GNG4: variants seen among roughly 807,000 people sequenced by gnomAD.
GNG4 encodes G protein subunit gamma 4, also known as guanine nucleotide-binding protein G(I)/G(S)/G(O) subunit gamma-4.
Under a neutral mutation model 5.8 loss-of-function variants are expected in GNG4, and 4 were observed. The observed-to-expected ratio is 0.69, with a 90% CI of 0.34 to 1.57. GNG4 has a LOEUF of 1.57. Ranked by LOEUF, GNG4 falls within the 40% of genes most tolerant of loss-of-function variation. GNG4 has a pLI of 0.06. For synonymous variants in GNG4, 29 were observed against 32.9 expected (o/e 0.88, Z 0.41); for missense variants, 96 against 95.1 (o/e 1.01, Z -0.04).
At chr1:235,617,288 A>G (rs1571915492) in intron 1 of GNG4, among the ~76,000 whole-genome samples, 1 of 152,160 alleles carries the variant, frequency 6.6e-6, no homozygotes, top group Non-Finnish European at 1.5e-5. Context: ...CTCAGAGAGA[A>G]TTCTAAGTGA....
chr1:235,567,182 C>G (rs903486093), intron 3 of GNG4, among the ~76,000 whole-genome samples: 1 of 152,108 alleles, frequency 6.6e-6, no homozygotes, highest in Non-Finnish European at 1.5e-5. Flanking sequence ...AATTCTCCCA[C>G]CTTGGCCTCC....
intron 2 of GNG4, among the ~76,000 whole-genome samples, chr1:235,593,204 C>A (rs1365335401): frequency 2.6e-5 from 4 of 152,130 alleles, no homozygotes; most frequent in Admixed American, 6.5e-5. Flanking sequence ...CCGTCTTGGC[C>A]TCCCAAATTG....
intron 3 of GNG4, among the ~76,000 whole-genome samples, chr1:235,572,944 G>T (rs1288931372): frequency 1.3e-4 from 20 of 152,212 alleles, no homozygotes; most frequent in East Asian, 1.9e-4. Context: ...TTATCTTAAA[G>T]AAATAATCAG....
At chr1:235,554,156 T>A (rs1028499965) in intron 3 of GNG4, among the ~76,000 whole-genome samples, 4 of 152,074 alleles carry the variant, frequency 2.6e-5, no homozygotes. Context: ...CACAAGAGAA[T>A]GGAATCACAT....
chr1:235,603,735 A>G (rs749205994), intron 1 of GNG4, among the ~76,000 whole-genome samples: 3 of 152,212 alleles, frequency 2.0e-5, no homozygotes, highest in Non-Finnish European at 4.4e-5. Context: ...AGCTTTGGGC[A>G]GGGCATGGGT....
chr1:235,573,521 T>C (rs1479663645), intron 3 of GNG4, among the ~76,000 whole-genome samples: 1 of 151,312 alleles, frequency 6.6e-6, no homozygotes, highest in Non-Finnish European at 1.5e-5. Flanking sequence ...CTCACACCTG[T>C]AATCCCAACA....
At chr1:235,641,173 G>A (rs1044683452) in intron 1 of GNG4, among the ~76,000 whole-genome samples, 1 of 152,086 alleles carries the variant, frequency 6.6e-6, no homozygotes, top group Admixed American at 6.6e-5. Context: ...ATCACTTGAG[G>A]CCAGGAGTTC....
chr1:235,648,382 T>G lies in GNG4; in HGVS notation c.-123+1280A>C, dbSNP rs1341484240. Among the ~76,000 whole-genome samples, 1 of 152,166 alleles carries G rather than the reference T, an allele frequency of 6.6e-6. No individual in the cohort carries two copies. Among genetic ancestry groups the G allele is most frequent in the African/African-American group, 2.4e-5 (1 of 41,438 alleles). On this transcript the variant is annotated intron_variant, in intron 1 of 3. Coordinates refer to ENST00000391854, the MANE Select transcript of GNG4 (RefSeq NM_001098722.2). The surrounding 1 kb of genome is among the most constrained non-coding windows in gnomAD (Gnocchi z 5.0). Reference sequence around the variant, plus strand: ...AGCAAACCCTACATTTCAAAAACAATCCAGTTTATAGGTCCTCTGTCTGTT... The same window carrying G: ...AGCAAACCCTACATTTCAAAAACAAGCCAGTTTATAGGTCCTCTGTCTGTT...
At chr1:235,575,531 C>T (rs1454400389) in intron 3 of GNG4, among the ~76,000 whole-genome samples, 1 of 152,218 alleles carries the variant, frequency 6.6e-6, no homozygotes, top group Non-Finnish European at 1.5e-5. Flanking sequence ...CAAATAAAGC[C>T]TGTGCTCACA....
At chr1:235,573,791 A>C (rs1687411233) in intron 3 of GNG4, among the ~76,000 whole-genome samples, 1 of 152,092 alleles carries the variant, frequency 6.6e-6, no homozygotes, top group South Asian at 2.1e-4. Context: ...AAAAGGAAAA[A>C]TAAAAAAAGA....
At chr1:235,572,900 T>A (rs1158082571) in intron 3 of GNG4, among the ~76,000 whole-genome samples, 1 of 152,196 alleles carries the variant, frequency 6.6e-6, no homozygotes, top group Non-Finnish European at 1.5e-5. Context: ...TATATATCTC[T>A]CTTTTGGCCA....
At chr1:235,619,159 T>TTA (rs895813525) in intron 1 of GNG4, among the ~76,000 whole-genome samples, 9,409 of 99,750 alleles carry the variant, frequency 0.094, 553 homozygotes, top group African/African-American at 0.19. Context: ...AAAAAAAAAT[T>TTA]TATATATATA....
rs150571099 is a variant in GNG4 at position 235,629,463 on chromosome 1, C to A, written c.-123+20199G>T. 8.1e-3 allele frequency among the ~76,000 whole-genome samples: 1,232 copies of A among 152,230 alleles called. 15 individuals carry two copies. The highest frequency in any genetic ancestry group is 8.9e-3 in the Non-Finnish European group (606 of 68,018). On this transcript the variant is annotated intron_variant, in intron 1 of 3. Coordinates refer to ENST00000391854, the MANE Select transcript of GNG4 (RefSeq NM_001098722.2). Reference sequence around the variant, plus strand: ...GGCCTCTTCCACTCGCATGCTTTTGCTTCCACTATTTTATCTACTTTACCC... The same window carrying A: ...GGCCTCTTCCACTCGCATGCTTTTGATTCCACTATTTTATCTACTTTACCC...
In GNG4 at chr1:235,557,383, G is replaced by A. The variant is rs540198834; in HGVS notation, c.100-5146C>T. On this transcript the variant is annotated intron_variant, in intron 3 of 3. Transcript: ENST00000391854. ...CAGAAGAAGGAGAGTCTCCCACCTA[G>A]AGTGTCTTAGGTCATTTCGTTTAAC... is the stretch of plus-strand genomic sequence containing the variant. Among the ~76,000 whole-genome samples, 154 of 152,206 alleles carry A rather than the reference G, an allele frequency of 1.0e-3. 1 individual carries two copies. Among genetic ancestry groups the A allele is most frequent in the African/African-American group, 3.5e-3 (146 of 41,524 alleles).
chr1:235,636,724 T>C (rs369967699), intron 1 of GNG4, among the ~76,000 whole-genome samples: 6 of 152,274 alleles, frequency 3.9e-5, no homozygotes, highest in Middle Eastern at 6.8e-3. Context: ...TCCCCAATAC[T>C]GACAGGCGAT....
chr1:235,570,862 A>ATGTGTGTGTG (rs1553365373), intron 3 of GNG4, among the ~76,000 whole-genome samples: 6,289 of 141,358 alleles, frequency 0.044, 448 homozygotes, highest in African/African-American at 0.14. Flanking sequence ...ATATATATAT[A>ATGTGTGTGTG]TGTGTGTGTG....
chr1:235,596,249 CA>C (rs1477654957), intron 1 of GNG4, among the ~76,000 whole-genome samples: 77 of 146,584 alleles, frequency 5.3e-4, no homozygotes, highest in African/African-American at 1.9e-3. Flanking sequence ...CACACACACA[CA>C]CACCTGGCCG....
At position 235,638,626 on chromosome 1, in the gene GNG4, G is replaced by C. The variant is rs138066808; in HGVS notation, c.-123+11036C>G. Among the ~76,000 whole-genome samples, 909 of 152,156 alleles carry C rather than the reference G, an allele frequency of 6.0e-3. 7 individuals are homozygous for C. The highest frequency in any genetic ancestry group is 0.021 in the African/African-American group (870 of 41,510). ...TAGGTTTTAAGCCTTGCCTGCATTA[G>C]GTATTTGTCCTAATGCTCTCCCTGC... On this transcript the variant is annotated intron_variant, in intron 1 of 3. Transcript: ENST00000391854.
chr1:235,577,511 GCTCACTGCAAC>G (rs1297255172), intron 3 of GNG4, among the ~76,000 whole-genome samples: 1 of 152,084 alleles, frequency 6.6e-6, no homozygotes, highest in African/African-American at 2.4e-5. Context: ...TGCAATCTCA[GCTCACTGCAAC>G]CTCCGCCTCC....
Sources: gnomAD v4.1 joint callset for allele counts (sites outside exome capture counted in the v4.1 genomes callset) on GRCh38, gnomAD v4.1.1 for gene constraint, Gnocchi (gnomAD v3.1) non-coding constraint, MANE v1.5 for transcripts, NCBI Gene and HGNC (gene_info 2026-07-23, HGNC 2026-07-21) for gene names.